The following TRHDE variants were observed in gnomAD, a reference collection of about 807,000 sequenced individuals.
TRHDE encodes the protein thyrotropin-releasing hormone-degrading ectoenzyme.
Under a neutral mutation model 125.7 loss-of-function variants are expected in TRHDE, and 72 were observed. The ratio of observed to expected loss-of-function variants is 0.57; its 90% confidence interval spans 0.47 to 0.70. TRHDE has a LOEUF of 0.70. Ranked by LOEUF, TRHDE falls within the 30% of genes least tolerant of loss-of-function variation. The pLI is 0.00. For missense variants in TRHDE, 1,110 were observed against 1,327.1 expected (o/e 0.84, Z 2.54); for synonymous variants, 509 against 509.1 (o/e 1.00, Z 0.00).
intron 6 of TRHDE, among the ~76,000 whole-genome samples, chr12:72,531,972 G>A (rs894050476): frequency 1.3e-5 from 2 of 152,032 alleles, no homozygotes; most frequent in African/African-American, 4.8e-5. Flanking sequence ...TTCAGATCAA[G>A]ACAATTTCTG....
At chr12:72,219,743 G>A (rs2139367230) in intron 2 of TRHDE, among the ~76,000 whole-genome samples, 1 of 152,256 alleles carries the variant, frequency 6.6e-6, no homozygotes, top group East Asian at 1.9e-4. Flanking sequence ...TGGTCCTTTT[G>A]TCCATCTTGG....
chr12:72,091,393 G>A (rs1031938150), intron 1 of TRHDE, among the ~76,000 whole-genome samples: 1 of 152,072 alleles, frequency 6.6e-6, no homozygotes, highest in African/African-American at 2.4e-5. Context: ...CTTCATGTAA[G>A]GTACAAGCCT....
chr12:72,498,990 TG>T (rs1297583334), intron 5 of TRHDE, among the ~76,000 whole-genome samples: 9 of 151,606 alleles, frequency 5.9e-5, no homozygotes, highest in South Asian at 2.1e-4. Context: ...TGTGTGTGTG[TG>T]TTTTGTGTGA....
intron 6 of TRHDE, among the ~76,000 whole-genome samples, chr12:72,527,455 A>G (rs1010209088): frequency 6.6e-5 from 10 of 152,128 alleles, no homozygotes; most frequent in Admixed American, 2.6e-4. Context: ...TACAAAAATA[A>G]GGATAATGGG....
chr12:72,225,283 G>A (rs965471699), intron 2 of TRHDE, among the ~76,000 whole-genome samples: 1 of 152,142 alleles, frequency 6.6e-6, no homozygotes, highest in African/African-American at 2.4e-5. Flanking sequence ...GATAAGGAAT[G>A]AATGTGCAAC....
chr12:72,647,386 C>T (rs577123403), intron 15 of TRHDE, among the ~76,000 whole-genome samples: 4 of 151,808 alleles, frequency 2.6e-5, no homozygotes, highest in Non-Finnish European at 4.4e-5. Flanking sequence ...CCTGAAACTA[C>T]CTTTACACCT....
At chr12:72,649,024 TA>T (rs933603161) in intron 15 of TRHDE, among the ~76,000 whole-genome samples, 52 of 147,104 alleles carry the variant, frequency 3.5e-4, no homozygotes, top group East Asian at 8.0e-4. Context: ...CAATGACACT[TA>T]AAAAAAAAAC....
chr12:72,240,281 T>G (rs1878448645), intron 2 of TRHDE, among the ~76,000 whole-genome samples: 1 of 148,474 alleles, frequency 6.7e-6, no homozygotes, highest in Non-Finnish European at 1.5e-5. Flanking sequence ...CTGCTAACAT[T>G]TCAGGGTATG....
intron 2 of TRHDE, among the ~76,000 whole-genome samples, chr12:72,260,021 T>C (rs1878911539): frequency 6.6e-6 from 1 of 152,212 alleles, no homozygotes; most frequent in Non-Finnish European, 1.5e-5. Flanking sequence ...ATTAAAATAC[T>C]GAAAATATTG....
chr12:72,292,469 A>G (rs1326246237), intron 2 of TRHDE, among the ~76,000 whole-genome samples: 2 of 152,184 alleles, frequency 1.3e-5, no homozygotes, highest in Non-Finnish European at 2.9e-5. Flanking sequence ...TATAATTTTC[A>G]TGGCCAGTGA....
intron 1 of TRHDE, among the ~76,000 whole-genome samples, chr12:72,103,775 A>C (rs150670139): frequency 1.4e-3 from 214 of 152,332 alleles, no homozygotes; most frequent in African/African-American, 5.1e-3. Flanking sequence ...GGAGAAATAC[A>C]GAAAATACTG....
At chr12:72,252,769 T>C (rs1005665521) in intron 2 of TRHDE, among the ~76,000 whole-genome samples, 4 of 152,154 alleles carry the variant, frequency 2.6e-5, no homozygotes, top group African/African-American at 9.6e-5. Context: ...TTTGTGACTA[T>C]AGTATGTCTC....
intron 2 of TRHDE, among the ~76,000 whole-genome samples, chr12:72,141,698 A>G (rs1356351646): frequency 6.6e-6 from 1 of 152,274 alleles, no homozygotes; most frequent in Non-Finnish European, 1.5e-5. Flanking sequence ...GTTTACAGTC[A>G]TAAATATCAA....
intron 15 of TRHDE, among the ~76,000 whole-genome samples, chr12:72,645,596 G>A (rs944333885): frequency 1.3e-5 from 2 of 152,002 alleles, no homozygotes; most frequent in African/African-American, 2.4e-5. Flanking sequence ...TCTAGAGAAC[G>A]AAATGGACAT....
intron 1 of TRHDE, among the ~76,000 whole-genome samples, chr12:72,095,238 G>T (rs964218369): frequency 6.6e-6 from 1 of 152,160 alleles, no homozygotes; most frequent in Non-Finnish European, 1.5e-5. Flanking sequence ...CAACACCCAC[G>T]GACCCCTGTT....
At position 72,562,905 on chromosome 12, in the gene TRHDE, G is replaced by A; in HGVS notation, c.1907G>A (p.Trp636Ter). The change falls in exon 9 of 19, where the codon TGG (tryptophan) becomes TAG (stop). Residue 636 changes from tryptophan (W) to a stop codon, truncating the protein, a stop_gained. Transcript: ENST00000261180. LOFTEE classifies it high-confidence loss of function. ...YVNIQEVMDQWTLQMGYPVIT... is the reference protein window; with the variant it reads ...YVNIQEVMDQ ...AATATACAAGAAGTAATGGATCAGT[G>A]GACACTCCAGATGGGTTATCCTGTT... The A allele has an allele frequency of 6.2e-7, 1 of 1,606,182 alleles. No individual in the cohort carries two copies. Among genetic ancestry groups the A allele is most frequent in the Non-Finnish European group, 8.5e-7 (1 of 1,177,682 alleles).
chr12:72,564,653 A>ATTTTTTTTTTTTTTTTT lies in TRHDE; in HGVS notation c.2042+1629_2042+1645dup, dbSNP rs538823843. Among the ~76,000 whole-genome samples, 37 of 54,316 alleles carry ATTTTTTTTTTTTTTTTT rather than the reference A, an allele frequency of 6.8e-4. 11 individuals carry two copies. The highest frequency in any genetic ancestry group is 1.1e-3 in the Non-Finnish European group (34 of 30,572). 35.6% of individuals were successfully genotyped at this position (54,316 alleles called of 152,430 possible). A position where few individuals can be genotyped will look rare whatever the true frequency, so the allele number is the denominator to read the frequency against. ...TGGAATTATAAAATCATGCGTATGA[A>ATTTTTTTTTTTTTTTTT]TTTTTTTTTTTTTTTTTTTTTTTTT... On this transcript the variant is annotated intron_variant, in intron 9 of 18. Transcript: ENST00000261180.
intron 4 of TRHDE, 148 bp from the exon 5 acceptor site, chr12:72,472,918 GT>G: frequency 1.5e-6 from 1 of 648,868 alleles, no homozygotes; most frequent in Admixed American, 2.8e-5. Context: ...AATCAATACA[GT>G]TTTGCCACAA....
chr12:72,151,246 G>T (rs1280266645), intron 2 of TRHDE, among the ~76,000 whole-genome samples: 1 of 152,072 alleles, frequency 6.6e-6, no homozygotes, highest in Non-Finnish European at 1.5e-5. Context: ...TGATGGAGTT[G>T]TTTTTTTCTT....
Sources: gnomAD v4.1 joint callset for allele counts (sites outside exome capture counted in the v4.1 genomes callset) on GRCh38, gnomAD v4.1.1 for gene constraint, MANE v1.5 for transcripts, NCBI Gene and HGNC (gene_info 2026-07-23, HGNC 2026-07-21) for gene names.